Variants in SNX9 observed in about 807,000 individuals in gnomAD.
The protein encoded by SNX9 is sorting nexin 9.
SNX9 carries 44 observed loss-of-function variants against 89.4 expected under a neutral mutation model. The observed-to-expected ratio is 0.49, with a 90% CI of 0.39 to 0.63. The LOEUF (loss-of-function observed/expected upper bound fraction) is 0.63. Ranked by LOEUF, SNX9 falls within the 30% of genes least tolerant of loss-of-function variation. SNX9 has a pLI of 0.00. For synonymous variants in SNX9, 236 were observed against 247.8 expected, an observed-to-expected ratio of 0.95 and a Z score of 0.45; for missense variants, 578 against 736.1, an observed-to-expected ratio of 0.79 and a Z score of 2.49.
chr6:157,931,608 G>C (rs1783811302), intron 12 of SNX9, among the ~76,000 whole-genome samples: 1 of 152,192 alleles, frequency 6.6e-6, no homozygotes, highest in South Asian at 2.1e-4. Flanking sequence ...AGAAAACTCA[G>C]ACCCCTCTTC....
rs1210920061 is a variant in SNX9, at chr6:157,871,773, C to G, written c.100-1329C>G. 3.3e-5 allele frequency among the ~76,000 whole-genome samples: 4 copies of G among 122,218 alleles called. No individual in the cohort carries two copies. In the East Asian group the frequency reaches 8.9e-4, roughly 27 times the overall value. The allele number at this position is 122,218 out of a possible 152,430, so 80.2% of individuals were successfully genotyped here. On this transcript the variant is annotated intron_variant, in intron 2 of 17. Coordinates refer to ENST00000392185, the MANE Select transcript of SNX9 (RefSeq NM_016224.5). ...GAGATTAAAGATTCTTCAGTCTTAC[C>G]TTTTTTTTTTTTTTTTTTTTGCAGA...
At chr6:157,926,033 C>T (rs1400417716) in intron 10 of SNX9, among the ~76,000 whole-genome samples, 1 of 152,204 alleles carries the variant, frequency 6.6e-6, no homozygotes, top group Non-Finnish European at 1.5e-5. Context: ...GGATGCTAAT[C>T]TCATTCACAA....
At chr6:157,889,832 ATTCTT>A (rs977247921) in intron 4 of SNX9, among the ~76,000 whole-genome samples, 59 of 152,314 alleles carry the variant, frequency 3.9e-4, no homozygotes, top group African/African-American at 1.4e-3. Flanking sequence ...GCTAGTCTTT[ATTCTT>A]TTCTTTATAT....
At chr6:157,891,945 C>G (rs1018888490) in intron 4 of SNX9, among the ~76,000 whole-genome samples, 3 of 152,168 alleles carry the variant, frequency 2.0e-5, no homozygotes, top group Non-Finnish European at 2.9e-5. Flanking sequence ...AAGTTGAGAC[C>G]TGTGCTGAAG....
At chr6:157,834,640 A>G (rs1781549510) in intron 1 of SNX9, among the ~76,000 whole-genome samples, 2 of 151,826 alleles carry the variant, frequency 1.3e-5, no homozygotes, top group Non-Finnish European at 2.9e-5. Flanking sequence ...CAGCCTCCCA[A>G]ACTGTTAGTG....
At chr6:157,899,624 A>G (rs993788001) in intron 5 of SNX9, among the ~76,000 whole-genome samples, 2 of 152,104 alleles carry the variant, frequency 1.3e-5, no homozygotes, top group African/African-American at 2.4e-5. Context: ...TAGAAAAAAA[A>G]TTAGCCGGGT....
intron 4 of SNX9, among the ~76,000 whole-genome samples, chr6:157,882,598 G>A (rs1782649794): frequency 6.6e-6 from 1 of 152,188 alleles, no homozygotes; most frequent in Admixed American, 6.5e-5. Flanking sequence ...ATGGAAGAAG[G>A]TCAAAATGTC....
chr6:157,898,339 C>T (rs145543128), intron 5 of SNX9, among the ~76,000 whole-genome samples: 66 of 152,268 alleles, frequency 4.3e-4, no homozygotes, highest in Middle Eastern at 3.4e-3. Context: ...GCAGAATGGG[C>T]GGTGGAGGCT....
chr6:157,879,093 C>T (rs571073251), intron 4 of SNX9, among the ~76,000 whole-genome samples: 1 of 152,272 alleles, frequency 6.6e-6, no homozygotes, highest in East Asian at 1.9e-4. Flanking sequence ...TGAAGCTTTT[C>T]GGGGCTGGTT....
intron 2 of SNX9, among the ~76,000 whole-genome samples, chr6:157,869,115 T>C (rs1018685356): frequency 6.6e-6 from 1 of 152,240 alleles, no homozygotes; most frequent in African/African-American, 2.4e-5. Flanking sequence ...AGGGAACTTG[T>C]TGTGTCTGTG....
At chr6:157,932,305 T>C (rs1009143705) in intron 13 of SNX9, 33 bp downstream of exon 13, 7 of 1,590,190 alleles carry the variant, frequency 4.4e-6, no homozygotes, top group African/African-American at 4.0e-5. Flanking sequence ...AGTGGGCCTT[T>C]AGAGCCTTAT....
chr6:157,823,551 G>C lies in SNX9; in HGVS notation c.12+105G>C, dbSNP rs913497. ...GAGGGTCGGGGCCAGGGGTGGTCGA[G>C]GGGCCACTCCGCTTCCTCGGTGGAG... On this transcript the variant is annotated intron_variant, in intron 1 of 17. Coordinates refer to ENST00000392185, the MANE Select transcript of SNX9 (RefSeq NM_016224.5). The surrounding 1 kb of genome is among the most constrained non-coding windows in gnomAD (Gnocchi z 4.6). The C allele has an allele frequency of 0.057, 56,960 of 995,668 alleles. 1,732 individuals carry two copies. Among genetic ancestry groups the C allele is most frequent in the East Asian group, 0.1 (2,340 of 22,688 alleles). 61.7% of individuals were successfully genotyped at this position (995,668 alleles called of 1,614,324 possible). A position where few individuals can be genotyped will look rare whatever the true frequency, so the allele number is the denominator to read the frequency against.
chr6:157,910,755 A>G (rs1002756377), intron 9 of SNX9, among the ~76,000 whole-genome samples: 3 of 152,004 alleles, frequency 2.0e-5, no homozygotes, highest in Admixed American at 6.5e-5. Flanking sequence ...GTGTCAGGGA[A>G]TTGTTTTTGT....
chr6:157,937,655 G>A, intron 15 of SNX9, 132 bp downstream of exon 15: 1 of 667,814 alleles, frequency 1.5e-6, no homozygotes, highest in Non-Finnish European at 2.5e-6. Context: ...GAAAGGTTTT[G>A]TAACTGAATT....
chr6:157,934,625 C>A (rs1472982351), intron 13 of SNX9, among the ~76,000 whole-genome samples: 1 of 152,012 alleles, frequency 6.6e-6, no homozygotes, highest in Non-Finnish European at 1.5e-5. Flanking sequence ...TATTGTTATT[C>A]TAAAACTTCT....
chr6:157,877,416 A>C (rs949765281), intron 4 of SNX9, among the ~76,000 whole-genome samples: 2 of 152,226 alleles, frequency 1.3e-5, no homozygotes, highest in South Asian at 4.1e-4. Flanking sequence ...AATGTAAATC[A>C]AGTAAAAATA....
chr6:157,825,197 G>A (rs1192370036), intron 1 of SNX9, among the ~76,000 whole-genome samples: 1 of 152,134 alleles, frequency 6.6e-6, no homozygotes, highest in African/African-American at 2.4e-5. Context: ...GCAGTGATCC[G>A]AGATCGCGCC....
intron 1 of SNX9, among the ~76,000 whole-genome samples, chr6:157,842,077 A>C (rs1401872082): frequency 6.6e-6 from 1 of 152,162 alleles, no homozygotes. Context: ...AAAACTGTAG[A>C]CTTAAATAAC....
intron 4 of SNX9, among the ~76,000 whole-genome samples, chr6:157,893,938 A>G (rs1056500314): frequency 6.6e-6 from 1 of 152,068 alleles, no homozygotes; most frequent in Non-Finnish European, 1.5e-5. Context: ...GATCACTAAG[A>G]AACAAGAGAG....
Sources: allele counts gnomAD v4.1 joint callset (sites outside exome capture counted in the v4.1 genomes callset), GRCh38; gene constraint gnomAD v4.1.1; non-coding constraint Gnocchi (gnomAD v3.1); transcripts MANE v1.5; gene names NCBI Gene and HGNC (gene_info 2026-07-23, HGNC 2026-07-21).